Variants in BLTP1 observed in about 807,000 individuals in gnomAD.
The protein encoded by BLTP1 is fragile site-associated protein.
chr4:122,214,566 T>G, the BLTP1 span: 1 of 940,364 alleles, frequency 1.1e-6, no homozygotes, highest in Non-Finnish European at 1.3e-6. Context: ...CCATCTACCT[T>G]ACATTTGATC....
the BLTP1 span, chr4:122,192,497 T>C: frequency 2.9e-6 from 2 of 694,956 alleles, no homozygotes; most frequent in Non-Finnish European, 4.5e-6. Flanking sequence ...GAGGAAGATA[T>C]CACTAAACAT....
At chr4:122,258,745 C>A in the BLTP1 span, 2 of 1,613,802 alleles carry the variant, frequency 1.2e-6, no homozygotes, top group Non-Finnish European at 1.7e-6. Context: ...AACAGCTAAC[C>A]GGCCTCCACC....
chr4:122,256,278 T>C, the BLTP1 span, among the ~76,000 whole-genome samples: 2 of 152,216 alleles, frequency 1.3e-5, no homozygotes, highest in African/African-American at 4.8e-5. Context: ...GGTGTAGTAC[T>C]TTTTACTCCC....
At chr4:122,290,851 A>C in the BLTP1 span, 1 of 147,480 alleles carries the variant, frequency 6.8e-6, no homozygotes, top group African/African-American at 2.6e-5. Flanking sequence ...ACACACACAT[A>C]ATATTATATA....
the BLTP1 span, chr4:122,208,594 T>TA: frequency 6.1e-6 from 6 of 975,860 alleles, no homozygotes; most frequent in African/African-American, 1.8e-5. Context: ...AAACTGAACT[T>TA]AAAAAAAATA....
At chr4:122,198,453 A>C in the BLTP1 span, 1 of 984,992 alleles carries the variant, frequency 1.0e-6, no homozygotes. Context: ...ATAATGTTTC[A>C]GTTAAGGAAG....
chr4:122,260,977 C>T, the BLTP1 span, among the ~76,000 whole-genome samples: 1 of 151,878 alleles, frequency 6.6e-6, no homozygotes, highest in African/African-American at 2.4e-5. Flanking sequence ...TGTTTAAAAA[C>T]GGATAAATAT....
the BLTP1 span, among the ~76,000 whole-genome samples, chr4:122,178,910 G>A: frequency 6.6e-5 from 10 of 152,216 alleles, no homozygotes; most frequent in South Asian, 2.1e-4. Flanking sequence ...AACAAAATGC[G>A]TAAATCACTC....
chr4:122,250,619 A>G, the BLTP1 span: 1 of 1,550,164 alleles, frequency 6.5e-7, no homozygotes, highest in Admixed American at 1.7e-5. Flanking sequence ...TTAGAAAAAT[A>G]ACAAAGAAAA....
At chr4:122,303,807 T>C in the BLTP1 span, among the ~76,000 whole-genome samples, 1 of 152,232 alleles carries the variant, frequency 6.6e-6, no homozygotes, top group Non-Finnish European at 1.5e-5. Context: ...TTCCTTCTTA[T>C]GAATGAGCAA....
the BLTP1 span, among the ~76,000 whole-genome samples, chr4:122,325,017 T>C: frequency 2.6e-5 from 4 of 151,946 alleles, no homozygotes; most frequent in Non-Finnish European, 5.9e-5. Flanking sequence ...GAAGTATAAA[T>C]TCTTTTTATA....
At chr4:122,197,283 C>A in the BLTP1 span, 3 of 1,449,830 alleles carry the variant, frequency 2.1e-6, no homozygotes, top group Admixed American at 2.4e-5. Flanking sequence ...TGGTAAGCTG[C>A]AACTGTTACT....
chr4:122,240,140 A>G, the BLTP1 span: 8 of 1,614,148 alleles, frequency 5.0e-6, no homozygotes, highest in Non-Finnish European at 6.8e-6. Context: ...AAGGTGAGAA[A>G]ACAGTGGAGA....
At chr4:122,336,436 A>G in the BLTP1 span, 2 of 885,750 alleles carry the variant, frequency 2.3e-6, no homozygotes, top group Non-Finnish European at 3.3e-6. Context: ...GCTATTATAC[A>G]TTATTACATA....
At chr4:122,240,674 GT>G in the BLTP1 span, among the ~76,000 whole-genome samples, 793 of 152,226 alleles carry the variant, frequency 5.2e-3, 11 homozygotes, top group African/African-American at 0.017. Context: ...AAATTTTGAA[GT>G]TGTTTTTAAT....
the BLTP1 span, chr4:122,328,220 C>CT: frequency 6.2e-7 from 1 of 1,611,296 alleles, no homozygotes; most frequent in Non-Finnish European, 8.5e-7. Flanking sequence ...CTCCAGGAGG[C>CT]TTTTCACCAG....
chr4:122,305,231 CTTGTAATTTT>C, the BLTP1 span: 1 of 979,928 alleles, frequency 1.0e-6, no homozygotes, highest in Non-Finnish European at 1.2e-6. Context: ...TAATCATTTG[CTTGTAATTTT>C]TTTTATTTTG....
At chr4:122,288,684 T>TA in the BLTP1 span, 1 of 309,278 alleles carries the variant, frequency 3.2e-6, no homozygotes, top group Non-Finnish European at 4.7e-6. Flanking sequence ...AATAAATAAA[T>TA]AAATAAATAA....
chr4:122,335,045 T>C, the BLTP1 span, among the ~76,000 whole-genome samples: 1 of 151,922 alleles, frequency 6.6e-6, no homozygotes, highest in Admixed American at 6.6e-5. Flanking sequence ...ATGGCAGATT[T>C]TTCAGCCCCA....
Sources: allele counts gnomAD v4.1 joint callset (sites outside exome capture counted in the v4.1 genomes callset), GRCh38; gene constraint gnomAD v4.1.1; transcripts MANE v1.5; gene names NCBI Gene and HGNC (gene_info 2026-07-23, HGNC 2026-07-21).